PPP2R3B: variants seen among roughly 807,000 people sequenced by gnomAD.
PPP2R3B encodes protein phosphatase 2 regulatory subunit B''beta.
Under a neutral mutation model 72.9 loss-of-function variants are expected in PPP2R3B, and 68 were observed. The ratio of observed to expected loss-of-function variants is 0.93; its 90% CI spans 0.77 to 1.14. The LOEUF (loss-of-function observed/expected upper bound fraction) is 1.14. PPP2R3B is among the 50% of genes most tolerant of loss of function. PPP2R3B has a pLI of 0.00. For synonymous variants in PPP2R3B, 466 were observed against 375.8 expected, an observed-to-expected ratio of 1.24 and a Z score of -2.78; for missense variants, 1,018 against 842.0, an observed-to-expected ratio of 1.21 and a Z score of -2.59.
At chrX:358,045 C>CT (rs1466020820) in intron 2 of PPP2R3B, among the ~76,000 whole-genome samples, 2 of 152,212 alleles carry the variant, frequency 1.3e-5, no homozygotes, top group Admixed American at 6.5e-5. Context: ...GTCCACCCGC[C>CT]TGACAACACG....
intron 7 of PPP2R3B, among the ~76,000 whole-genome samples, chrX:342,471 A>G (rs1394166648): frequency 3.0e-3 from 341 of 114,960 alleles, no homozygotes; most frequent in Non-Finnish European, 3.5e-3. Flanking sequence ...GGGAGACCTC[A>G]GCAACGGGAG....
Position 334,014 on chromosome X carries a change from C to T in PPP2R3B, c.*353G>A, listed in dbSNP as rs1026301105. 3.8e-4 allele frequency: 89 copies of T among 231,900 alleles called. No individual in the cohort carries two copies. The highest frequency in any genetic ancestry group is 2.7e-3 in the Middle Eastern group (2 of 732). The allele number at this position is 231,900 out of a possible 1,614,324, so 14.4% of individuals were successfully genotyped here. On this transcript the variant is annotated 3_prime_UTR_variant, in exon 13 of 13. Coordinates refer to ENST00000390665, the MANE Select transcript of PPP2R3B (RefSeq NM_013239.5). ...ATTCACACAGCCTGTGGTGGAGGCTCCTGTCCAGGACTGAGGCGCCCGGGA... is the reference window on the plus strand; with the variant it reads ...ATTCACACAGCCTGTGGTGGAGGCTTCTGTCCAGGACTGAGGCGCCCGGGA...
chrX:385,986 G>A (rs2072239369), intron 1 of PPP2R3B, among the ~76,000 whole-genome samples: 1 of 152,168 alleles, frequency 6.6e-6, no homozygotes, highest in Admixed American at 6.5e-5. Context: ...GGAGCCTGAG[G>A]CAGGAGAATC....
intron 2 of PPP2R3B, among the ~76,000 whole-genome samples, chrX:350,999 C>G (rs1326296894): frequency 6.6e-6 from 1 of 151,820 alleles, no homozygotes; most frequent in Non-Finnish European, 1.5e-5. Flanking sequence ...AGGTGCAGGG[C>G]GGGAGTGACC....
intron 2 of PPP2R3B, among the ~76,000 whole-genome samples, chrX:354,299 C>T (rs1401960347): frequency 6.6e-6 from 1 of 150,802 alleles, no homozygotes; most frequent in Non-Finnish European, 1.5e-5. Context: ...GCTGCCTTCA[C>T]ACTCAGACGT....
intron 1 of PPP2R3B, among the ~76,000 whole-genome samples, chrX:381,894 A>G (rs2072134937): frequency 6.6e-6 from 1 of 152,050 alleles, no homozygotes; most frequent in Admixed American, 6.6e-5. Flanking sequence ...CACCGTGCCC[A>G]GCCCAAGCTC....
chrX:377,718 C>T (rs1373269194), intron 1 of PPP2R3B, among the ~76,000 whole-genome samples: 2 of 141,470 alleles, frequency 1.4e-5, no homozygotes, highest in African/African-American at 5.5e-5. Flanking sequence ...TGTACAGGGA[C>T]GGGCCGTCCA....
Position 334,437 on chromosome X carries a change from G to T in PPP2R3B, c.1658C>A (p.Ala553Glu). 2 of 1,595,546 alleles carry T rather than the reference G, an allele frequency of 1.3e-6. No individual in the cohort carries two copies. The highest frequency in any genetic ancestry group is 8.5e-7 in the Non-Finnish European group (1 of 1,176,050). ...SPLAQRPFFE[A>E]PSPLGAVDLY... The stretch of plus-strand genomic sequence containing the variant: ...GTCCACGGCGCCCAGCGGTGAGGGC[G>T]CCTCGAAGAAGGGCCTCTGGGCCAG... Residue 553 changes from alanine (A) to glutamate (E), a missense_variant, in exon 13 of 13, where the codon GCG becomes GAG. Ala to Glu is a moderately radical substitution (Grantham distance 107). Transcript: ENST00000390665.
chrX:349,848 ACCT>A (rs2071292009), intron 2 of PPP2R3B, among the ~76,000 whole-genome samples: 1 of 152,246 alleles, frequency 6.6e-6, no homozygotes, highest in Non-Finnish European at 1.5e-5. Context: ...ATCAAAGACG[ACCT>A]CAACGTGGTG....
At chrX:382,196 C>CA (rs2072142180) in intron 1 of PPP2R3B, among the ~76,000 whole-genome samples, 1 of 130,074 alleles carries the variant, frequency 7.7e-6, no homozygotes, top group Admixed American at 7.9e-5. Context: ...CTTTTTTTTT[C>CA]TTTTTTTTTT....
intron 2 of PPP2R3B, among the ~76,000 whole-genome samples, chrX:356,119 G>T (rs1229024014): frequency 6.6e-6 from 1 of 152,070 alleles, no homozygotes; most frequent in Non-Finnish European, 1.5e-5. Context: ...CGCACAGAAC[G>T]GCTAAAGGCA....
At chrX:336,286 G>C (rs6645101) in intron 12 of PPP2R3B, 1 of 152,042 alleles carries the variant, frequency 6.6e-6, no homozygotes, top group Non-Finnish European at 1.5e-5. Flanking sequence ...AAAATGACTC[G>C]GTGTAACTCG....
chrX:336,295 C>T (rs748125356), intron 12 of PPP2R3B: 39 of 152,336 alleles, frequency 2.6e-4, no homozygotes, highest in Middle Eastern at 3.4e-3. Context: ...CGGTGTAACT[C>T]GCTGTATGGA....
chrX:373,207 C>T (rs931453509), intron 1 of PPP2R3B, among the ~76,000 whole-genome samples: 3 of 152,222 alleles, frequency 2.0e-5, no homozygotes, highest in Non-Finnish European at 4.4e-5. Context: ...GGCTCTCACC[C>T]GCCTTGGTTG....
rs934577202 is a variant in PPP2R3B, at chrX:337,247, A to AT, written c.1577+1356dup. 25 of 149,778 alleles carry AT rather than the reference A, an allele frequency of 1.7e-4. No homozygotes were observed. In the South Asian group the frequency reaches 4.0e-3, roughly 24 times the overall value. 9.3% of individuals were successfully genotyped at this position (149,778 alleles called of 1,614,324 possible). ...AGGCGCCCGCCACCACGCCTGGCTA[A>AT]TTTTTTTTTTGTTTAGTAGAGACGG... On this transcript the variant is annotated intron_variant, in intron 12 of 12. Coordinates refer to ENST00000390665, the MANE Select transcript of PPP2R3B (RefSeq NM_013239.5).
intron 1 of PPP2R3B, among the ~76,000 whole-genome samples, chrX:370,929 C>A (rs769697911): frequency 6.6e-6 from 1 of 152,278 alleles, no homozygotes; most frequent in African/African-American, 2.4e-5. Flanking sequence ...TGCGTCCACC[C>A]GAAGGACCCC....
At position 334,241 on chromosome X, in the gene PPP2R3B, GAATA is replaced by G. The variant is rs937238179; in HGVS notation, c.*122_*125del. On this transcript the variant is annotated 3_prime_UTR_variant, in exon 13 of 13. Transcript: ENST00000390665. The stretch of plus-strand genomic sequence containing the variant: ...ACAGCGGCAATCAACACGCTTCTGT[GAATA>G]AATAAAAGTTTATCATTCCGTACAA... The G allele has an allele frequency of 9.3e-5, 108 of 1,157,626 alleles. No homozygotes were observed. Among genetic ancestry groups the G allele is most frequent in the Middle Eastern group, 3.1e-4 (1 of 3,194 alleles). The allele number at this position is 1,157,626 out of a possible 1,614,324, so 71.7% of individuals were successfully genotyped here.
At chrX:341,736 C>G in intron 8 of PPP2R3B, 147 bp downstream of exon 8, 1 of 891,054 alleles carries the variant, frequency 1.1e-6, no homozygotes, top group Non-Finnish European at 1.9e-6. Context: ...ATTCACGTGA[C>G]AGAGACACGT....
intron 4 of PPP2R3B, 137 bp from the exon 5 acceptor site, chrX:346,912 T>C: frequency 1.2e-6 from 1 of 835,004 alleles, no homozygotes; most frequent in Non-Finnish European, 1.9e-6. Flanking sequence ...CCGTGAGGGA[T>C]GAGGCGTATG....
Sources: allele counts gnomAD v4.1 joint callset (sites outside exome capture counted in the v4.1 genomes callset), GRCh38; gene constraint gnomAD v4.1.1; transcripts MANE v1.5; gene names NCBI Gene and HGNC (gene_info 2026-07-23, HGNC 2026-07-21).